PPP2R2B: variants seen among roughly 807,000 people sequenced by gnomAD.
The protein encoded by PPP2R2B is protein phosphatase 2 regulatory subunit Bbeta.
PPP2R2B carries 5 observed loss-of-function variants against 46.0 expected under a neutral mutation model. That is an observed-to-expected ratio of 0.11 (90% CI 0.06 to 0.23). The LOEUF (loss-of-function observed/expected upper bound fraction) is 0.23, where lower values mean the gene tolerates loss of function less well. Among genes scored for constraint, PPP2R2B ranks in the 10% least tolerant of loss-of-function variants. The pLI is 1.00. For synonymous variants in PPP2R2B, 215 were observed against 206.7 expected, an observed-to-expected ratio of 1.04 and a Z score of -0.34; for missense variants, 367 against 575.0, an observed-to-expected ratio of 0.64 and a Z score of 3.70.
At chr5:146,996,898 C>G (rs1753947395) in intron 1 of PPP2R2B, among the ~76,000 whole-genome samples, 1 of 152,132 alleles carries the variant, frequency 6.6e-6, no homozygotes, top group South Asian at 2.1e-4. Flanking sequence ...CCCAGTTTCT[C>G]TCTCCCTCCA....
chr5:146,795,403 A>G (rs1333050559), intron 2 of PPP2R2B, among the ~76,000 whole-genome samples: 1 of 152,182 alleles, frequency 6.6e-6, no homozygotes, highest in African/African-American at 2.4e-5. Context: ...GAAGAACCTA[A>G]TACATTACGC....
intron 1 of PPP2R2B, among the ~76,000 whole-genome samples, chr5:146,884,072 C>A (rs1582355389): frequency 1.4e-5 from 2 of 143,854 alleles, no homozygotes; most frequent in Admixed American, 6.9e-5. Context: ...TAAAAAAAAA[C>A]ACTATGTAAA....
intron 1 of PPP2R2B, among the ~76,000 whole-genome samples, chr5:146,931,497 C>T (rs1347525064): frequency 1.3e-5 from 2 of 152,118 alleles, no homozygotes; most frequent in African/African-American, 2.4e-5. Context: ...AGCACCAATT[C>T]AAAGATTCAA....
chr5:146,786,363 T>G (rs7734533), intron 2 of PPP2R2B, among the ~76,000 whole-genome samples: 6,944 of 152,198 alleles, frequency 0.046, 426 homozygotes, highest in African/African-American at 0.14. Flanking sequence ...TCACCCAGGT[T>G]GCCAAGTGAA....
At position 146,976,108 on chromosome 5, in the gene PPP2R2B, T is replaced by TTA. The variant is rs1752890559; in HGVS notation, c.79+79556_79+79557insTA. Among the ~76,000 whole-genome samples, 946 of 130,682 alleles carry TTA rather than the reference T, an allele frequency of 7.2e-3. 10 individuals are homozygous for TTA. The highest frequency in any genetic ancestry group is 0.025 in the African/African-American group (894 of 36,454). The allele number at this position is 130,682 out of a possible 152,430, so 85.7% of individuals were successfully genotyped here. A position where few individuals can be genotyped will look rare whatever the true frequency, so the allele number is the denominator to read the frequency against. ...CCTAAAAGTTTCATTTTTTAAAAAA[T>TTA]TTATTATTATTATTATTATTATTAT... On this transcript the variant is annotated intron_variant, in intron 1 of 8. Transcript: ENST00000336640.
chr5:146,695,601 C>T (rs1360924422), intron 4 of PPP2R2B, among the ~76,000 whole-genome samples: 1 of 152,126 alleles, frequency 6.6e-6, no homozygotes, highest in Non-Finnish European at 1.5e-5. Context: ...TGCCTGGAGT[C>T]ATTCTTGACT....
chr5:146,976,516 G>A (rs1162076779), intron 1 of PPP2R2B, among the ~76,000 whole-genome samples: 1 of 152,068 alleles, frequency 6.6e-6, no homozygotes, highest in African/African-American at 2.4e-5. Flanking sequence ...ACAAAGGTAA[G>A]GGGGCAACTT....
At chr5:146,669,864 A>G (rs1478229799) in intron 5 of PPP2R2B, among the ~76,000 whole-genome samples, 1 of 152,174 alleles carries the variant, frequency 6.6e-6, no homozygotes, top group Non-Finnish European at 1.5e-5. Context: ...AATGGTCAAT[A>G]CCATGGCATT....
intron 2 of PPP2R2B, among the ~76,000 whole-genome samples, chr5:146,709,314 C>G (rs1334188949): frequency 6.6e-6 from 1 of 152,084 alleles, no homozygotes; most frequent in Non-Finnish European, 1.5e-5. Flanking sequence ...CAGTCTGACC[C>G]TGTAGATCAA....
At chr5:146,886,195 C>T (rs1364125471) in intron 1 of PPP2R2B, among the ~76,000 whole-genome samples, 2 of 151,870 alleles carry the variant, frequency 1.3e-5, no homozygotes, top group Non-Finnish European at 2.9e-5. Context: ...AAAAATTAGC[C>T]GGGCGTGGTG....
chr5:146,740,962 G>A (rs573155025), intron 2 of PPP2R2B, among the ~76,000 whole-genome samples: 5 of 151,918 alleles, frequency 3.3e-5, no homozygotes, highest in South Asian at 4.2e-4. Context: ...ACTTGAACCC[G>A]GGAGGCGGAG....
intron 1 of PPP2R2B, among the ~76,000 whole-genome samples, chr5:146,909,800 G>A (rs1763118385): frequency 6.6e-6 from 1 of 152,080 alleles, no homozygotes; most frequent in Non-Finnish European, 1.5e-5. Context: ...TGGTTTCTAG[G>A]TGGCTTTGCA....
chr5:146,991,384 A>G (rs529074309), intron 1 of PPP2R2B, among the ~76,000 whole-genome samples: 171 of 152,250 alleles, frequency 1.1e-3, no homozygotes, highest in Non-Finnish European at 2.1e-3. Context: ...GATTTCATAG[A>G]AGTAGAGAGT....
intron 2 of PPP2R2B, among the ~76,000 whole-genome samples, chr5:146,859,818 T>C (rs1760879628): frequency 6.6e-6 from 1 of 152,164 alleles, no homozygotes; most frequent in South Asian, 2.1e-4. Context: ...GCCAAGTCTC[T>C]TGCTTGTCTA....
chr5:146,983,016 T>G (rs1181326998), intron 1 of PPP2R2B, among the ~76,000 whole-genome samples: 6 of 152,088 alleles, frequency 3.9e-5, no homozygotes, highest in African/African-American at 4.8e-5. Context: ...GTATGTGGAC[T>G]ATTTAGATTC....
chr5:146,931,481 C>A (rs1763968122), intron 1 of PPP2R2B, among the ~76,000 whole-genome samples: 1 of 152,096 alleles, frequency 6.6e-6, no homozygotes, highest in Non-Finnish European at 1.5e-5. Context: ...GTCAAGGGTA[C>A]CCTATAGCAC....
intron 2 of PPP2R2B, among the ~76,000 whole-genome samples, chr5:146,765,452 G>A (rs577681962): frequency 3.6e-4 from 55 of 152,296 alleles, no homozygotes; most frequent in African/African-American, 1.3e-3. Flanking sequence ...TGCATTTGAA[G>A]AACAGTGCCC....
At chr5:146,911,520 C>A (rs1763182442) in intron 1 of PPP2R2B, among the ~76,000 whole-genome samples, 1 of 152,148 alleles carries the variant, frequency 6.6e-6, no homozygotes, top group South Asian at 2.1e-4. Context: ...GGCAATTTAT[C>A]CTCACCACAG....
intron 1 of PPP2R2B, among the ~76,000 whole-genome samples, chr5:147,048,686 C>T (rs915171180): frequency 1.3e-5 from 2 of 152,078 alleles, no homozygotes; most frequent in African/African-American, 4.8e-5. Flanking sequence ...GAAGGAAATA[C>T]ACCAGTTGAG....
Sources: allele counts gnomAD v4.1 joint callset (sites outside exome capture counted in the v4.1 genomes callset), GRCh38; gene constraint gnomAD v4.1.1; transcripts MANE v1.5; gene names NCBI Gene and HGNC (gene_info 2026-07-23, HGNC 2026-07-21).